NKAIN3: variants seen among roughly 807,000 people sequenced by gnomAD.
NKAIN3 encodes the protein sodium/potassium-transporting ATPase subunit beta-1-interacting protein 3.
Under a neutral mutation model 30.2 loss-of-function variants are expected in NKAIN3, and 25 were observed. The observed-to-expected ratio is 0.83, with a 90% CI of 0.60 to 1.16. The LOEUF is 1.16. Among genes scored for constraint, NKAIN3 ranks in the 50% most tolerant of loss-of-function variants. NKAIN3 has a pLI of 0.00. For missense variants in NKAIN3, 225 were observed against 254.1 expected, an observed-to-expected ratio of 0.89 and a Z score of 0.78; for synonymous variants, 91 against 89.6, an observed-to-expected ratio of 1.02 and a Z score of -0.09.
intron 1 of NKAIN3, among the ~76,000 whole-genome samples, chr8:62,381,361 T>C (rs1256984893): frequency 6.6e-6 from 1 of 152,180 alleles, no homozygotes; most frequent in Admixed American, 6.5e-5. Context: ...ACTCTTAGCC[T>C]AAATCGTTGA....
At chr8:62,491,955 C>T (rs1008880601) in intron 1 of NKAIN3, among the ~76,000 whole-genome samples, 15 of 152,036 alleles carry the variant, frequency 9.9e-5, no homozygotes, top group African/African-American at 3.4e-4. Context: ...TCCGTTGTTC[C>T]TGAGAGGATA....
chr8:62,868,844 T>G (rs1203678439), intron 4 of NKAIN3, among the ~76,000 whole-genome samples: 1 of 152,108 alleles, frequency 6.6e-6, no homozygotes, highest in South Asian at 2.1e-4. Context: ...AATCTGCCGA[T>G]AGACTGCAAG....
At chr8:62,362,082 T>C (rs1198389826) in intron 1 of NKAIN3, among the ~76,000 whole-genome samples, 1 of 152,226 alleles carries the variant, frequency 6.6e-6, no homozygotes, top group East Asian at 1.9e-4. Flanking sequence ...TTGTTCTCGA[T>C]GTTAAGACTC....
intron 4 of NKAIN3, among the ~76,000 whole-genome samples, chr8:62,808,484 T>G (rs1340796438): frequency 6.6e-6 from 1 of 152,146 alleles, no homozygotes; most frequent in East Asian, 1.9e-4. Flanking sequence ...CCCCTGATAT[T>G]TCAACGTAGG....
chr8:62,464,923 A>G (rs1349900435), intron 1 of NKAIN3, among the ~76,000 whole-genome samples: 2 of 152,298 alleles, frequency 1.3e-5, no homozygotes, highest in East Asian at 3.9e-4. Flanking sequence ...AGTATTATTT[A>G]TAGGTGAAGA....
intron 3 of NKAIN3, among the ~76,000 whole-genome samples, chr8:62,746,718 A>C (rs1816082101): frequency 6.6e-6 from 1 of 152,188 alleles, no homozygotes; most frequent in Non-Finnish European, 1.5e-5. Flanking sequence ...GTTAATAGTA[A>C]TCAAAGGATT....
chr8:62,642,962 G>A (rs186520317), intron 3 of NKAIN3, among the ~76,000 whole-genome samples: 1 of 152,012 alleles, frequency 6.6e-6, no homozygotes, highest in African/African-American at 2.4e-5. Flanking sequence ...ATATTATTAA[G>A]CACAAAAGGG....
chr8:62,255,986 C>A (rs1312354172), intron 1 of NKAIN3, among the ~76,000 whole-genome samples: 1 of 152,098 alleles, frequency 6.6e-6, no homozygotes, highest in Non-Finnish European at 1.5e-5. Flanking sequence ...TGAAGAGTTC[C>A]CTGGGTCAGA....
intron 3 of NKAIN3, among the ~76,000 whole-genome samples, chr8:62,636,436 ATAAGT>A (rs1305203434): frequency 4.6e-5 from 7 of 152,194 alleles, no homozygotes; most frequent in Non-Finnish European, 1.0e-4. Flanking sequence ...TTTTCCTAGT[ATAAGT>A]TATTAACAAT....
chr8:62,831,045 C>G (rs73256994), intron 4 of NKAIN3, among the ~76,000 whole-genome samples: 4,045 of 152,180 alleles, frequency 0.027, 179 homozygotes, highest in African/African-American at 0.092. Flanking sequence ...TAATAATCAA[C>G]TATCAGACCC....
chr8:62,745,014 C>T (rs2130579033), intron 3 of NKAIN3, among the ~76,000 whole-genome samples: 1 of 152,320 alleles, frequency 6.6e-6, no homozygotes, highest in Non-Finnish European at 1.5e-5. Context: ...CTTATATGCA[C>T]TGGGAATGTT....
At chr8:62,988,858 CAGGCTGCAAATCTTCCAAACTTTT>C (rs1474265243), downstream of NKAIN3, among the ~76,000 whole-genome samples, 3 of 152,216 alleles carry the variant, frequency 2.0e-5, no homozygotes, top group African/African-American at 7.2e-5. Context: ...ATCACATCAT[CAGGCTGCAAATCTTCCAAACTTTT>C]AGGCTCTGCT....
At chr8:62,326,803 T>C (rs1290354531) in intron 1 of NKAIN3, among the ~76,000 whole-genome samples, 1 of 151,976 alleles carries the variant, frequency 6.6e-6, no homozygotes, top group Non-Finnish European at 1.5e-5. Context: ...TCAATTCTTT[T>C]GGGTATAAAC....
At chr8:62,631,251 C>T (rs1358546332) in intron 3 of NKAIN3, among the ~76,000 whole-genome samples, 1 of 152,186 alleles carries the variant, frequency 6.6e-6, no homozygotes, top group Non-Finnish European at 1.5e-5. Flanking sequence ...GTGTTTCAAG[C>T]TATGCCTACT....
intron 1 of NKAIN3, among the ~76,000 whole-genome samples, chr8:62,469,641 G>A (rs1044986596): frequency 6.6e-6 from 1 of 152,062 alleles, no homozygotes; most frequent in African/African-American, 2.4e-5. Context: ...AAAGAGCTTT[G>A]CTTGGTACTG....
intron 4 of NKAIN3, among the ~76,000 whole-genome samples, chr8:62,861,045 G>C (rs186451070): frequency 2.0e-5 from 3 of 152,318 alleles, no homozygotes; most frequent in African/African-American, 7.2e-5. Flanking sequence ...TGGCTGCCTA[G>C]CTAGATATTT....
intron 3 of NKAIN3, among the ~76,000 whole-genome samples, chr8:62,658,375 G>C (rs1463514712): frequency 5.9e-5 from 9 of 152,116 alleles, no homozygotes; most frequent in African/African-American, 2.2e-4. Context: ...TAGGAAACCG[G>C]GACAATCATT....
At chr8:62,684,553 C>G (rs1342926077) in intron 3 of NKAIN3, among the ~76,000 whole-genome samples, 1 of 152,134 alleles carries the variant, frequency 6.6e-6, no homozygotes, top group Non-Finnish European at 1.5e-5. Flanking sequence ...TGGGGCATAG[C>G]TGGCTCAAAG....
rs565046200 is a variant in NKAIN3, at chr8:62,344,562, A to T, written c.54+95435A>T. Among the ~76,000 whole-genome samples, 36 of 152,226 alleles carry T rather than the reference A, an allele frequency of 2.4e-4. No homozygotes were observed. The South Asian group carries it at 5.6e-3, about 24-fold the overall frequency. On this transcript the variant is annotated intron_variant, in intron 1 of 6. Transcript: ENST00000623646. ...TTATATTTTCTCTCCTCACTACAAT[A>T]GTGTATGTAGAAAAGCATACTACAA...
Sources: gnomAD v4.1 joint callset for allele counts (sites outside exome capture counted in the v4.1 genomes callset) on GRCh38, gnomAD v4.1.1 for gene constraint, MANE v1.5 for transcripts, NCBI Gene and HGNC (gene_info 2026-07-23, HGNC 2026-07-21) for gene names.